SORCS2: variants seen among roughly 807,000 people sequenced by gnomAD.
The protein encoded by SORCS2 is VPS10 domain-containing receptor SorCS2.
A neutral mutation model predicts 141.6 loss-of-function variants in SORCS2; 100 were observed. The ratio of observed to expected loss-of-function variants is 0.71; its 90% CI spans 0.60 to 0.83. The LOEUF is 0.83. SORCS2 is among the 40% of genes least tolerant of loss of function. The probability of loss-of-function intolerance (pLI) is 0.00; values close to 1 mark genes in which losing one functional copy is unlikely to be tolerated. For missense variants in SORCS2, 1,646 were observed against 1,560.2 expected, an observed-to-expected ratio of 1.05 and a Z score of -0.93; for synonymous variants, 789 against 676.9, an observed-to-expected ratio of 1.17 and a Z score of -2.57.
chr4:7,471,521 G>A lies in SORCS2; in HGVS notation c.549-60009G>A, dbSNP rs537426545. Among the ~76,000 whole-genome samples the A allele has an allele frequency of 5.9e-5, 9 of 152,340 alleles. No individual in the cohort carries two copies. The South Asian group carries it at 6.2e-4, about 11-fold the overall frequency. On this transcript the variant is annotated intron_variant, in intron 2 of 26. Transcript: ENST00000507866. The stretch of plus-strand genomic sequence containing the variant: ...TGGGCCACGTCCCCTTCGTTCCAGG[G>A]AAGAGGGAGCAGAACGAAGATCAGC...
At chr4:7,595,872 A>G (rs188189963) in intron 3 of SORCS2, among the ~76,000 whole-genome samples, 34 of 152,334 alleles carry the variant, frequency 2.2e-4, no homozygotes, top group African/African-American at 7.7e-4. Context: ...GTGGTGGACA[A>G]GCCCGACGCG....
intron 1 of SORCS2, among the ~76,000 whole-genome samples, chr4:7,278,128 C>A (rs1478906334): frequency 6.6e-6 from 1 of 152,194 alleles, no homozygotes; most frequent in African/African-American, 2.4e-5. Flanking sequence ...CCCCGGTGCC[C>A]TCTTATTCAT....
chr4:7,597,676 G>C (rs1717371296), intron 3 of SORCS2, among the ~76,000 whole-genome samples: 1 of 149,560 alleles, frequency 6.7e-6, no homozygotes, highest in South Asian at 2.1e-4. Context: ...CATAGAGGGA[G>C]GGGCTACACA....
chr4:7,497,728 T>C (rs1465172751), intron 2 of SORCS2, among the ~76,000 whole-genome samples: 4 of 152,158 alleles, frequency 2.6e-5, no homozygotes. Context: ...ACCGCACAGG[T>C]TGGGAAACGG....
chr4:7,194,138 C>G (rs1265709677), intron 1 of SORCS2, among the ~76,000 whole-genome samples: 1 of 152,104 alleles, frequency 6.6e-6, no homozygotes, highest in Non-Finnish European at 1.5e-5. Context: ...CCATGAATCC[C>G]CAGAGGAGGG....
chr4:7,247,064 G>A (rs752653772), intron 1 of SORCS2, among the ~76,000 whole-genome samples: 2 of 152,234 alleles, frequency 1.3e-5, no homozygotes, highest in Non-Finnish European at 2.9e-5. Flanking sequence ...GAGAAGGCCA[G>A]TGAGATGTTT....
intron 1 of SORCS2, among the ~76,000 whole-genome samples, chr4:7,318,779 C>T (rs1194470615): frequency 6.6e-6 from 1 of 152,110 alleles, no homozygotes; most frequent in Non-Finnish European, 1.5e-5. Context: ...TTTAGGTGTA[C>T]AGTACTATGA....
chr4:7,425,210 T>C (rs12508214), intron 2 of SORCS2, among the ~76,000 whole-genome samples: 60,566 of 152,080 alleles, frequency 0.4, 12,223 homozygotes, highest in Middle Eastern at 0.5. Context: ...TTGCTGAATG[T>C]CCCAAATCCC....
chr4:7,456,650 G>A (rs1317498907), intron 2 of SORCS2, among the ~76,000 whole-genome samples: 1 of 152,184 alleles, frequency 6.6e-6, no homozygotes, highest in Non-Finnish European at 1.5e-5. Context: ...ACGCAGGAAG[G>A]GGCTGTCAAG....
chr4:7,577,838 T>G (rs9884554), intron 3 of SORCS2, among the ~76,000 whole-genome samples: 123,532 of 145,372 alleles, frequency 0.85, 53,709 homozygotes, highest in Non-Finnish European at 0.95. Flanking sequence ...CTAGTGCCAT[T>G]GTTTGGAGAA....
intron 1 of SORCS2, among the ~76,000 whole-genome samples, chr4:7,314,829 T>TTTTTTTTTG (rs1560185676): frequency 4.3e-5 from 5 of 116,580 alleles, no homozygotes; most frequent in African/African-American, 1.4e-4. Flanking sequence ...TTTTTTTTTT[T>TTTTTTTTTG]ATTGTTGTTG....
At chr4:7,514,673 A>G (rs979873292) in intron 2 of SORCS2, among the ~76,000 whole-genome samples, 2 of 152,000 alleles carry the variant, frequency 1.3e-5, no homozygotes, top group South Asian at 2.1e-4. Flanking sequence ...TGTACAATGG[A>G]CAGTGCTTAA....
At chr4:7,253,480 G>A (rs565998269) in intron 1 of SORCS2, among the ~76,000 whole-genome samples, 1 of 152,360 alleles carries the variant, frequency 6.6e-6, no homozygotes, top group Admixed American at 6.5e-5. Flanking sequence ...AAGAGGGATG[G>A]TGTTCCCTGC....
At chr4:7,729,080 C>T (rs771570775) in intron 22 of SORCS2, among the ~76,000 whole-genome samples, 3 of 152,168 alleles carry the variant, frequency 2.0e-5, no homozygotes, top group African/African-American at 4.8e-5. Context: ...GTGCATGGAA[C>T]GGGACTTCCA....
At chr4:7,428,135 C>T (rs923773293) in intron 2 of SORCS2, among the ~76,000 whole-genome samples, 2 of 152,182 alleles carry the variant, frequency 1.3e-5, no homozygotes, top group Non-Finnish European at 2.9e-5. Flanking sequence ...CCATGGAGGA[C>T]AACCTTGTTT....
In SORCS2 at chr4:7,437,719, T is replaced by A. The variant is rs566172703; in HGVS notation, c.548+41364T>A. Reference sequence around the variant, plus strand: ...AAGTGGGGACAAAACCAAACACTTTTTTTTTTATCCCATGGCGGGGATGAT... The same window carrying A: ...AAGTGGGGACAAAACCAAACACTTTATTTTTTATCCCATGGCGGGGATGAT... On this transcript the variant is annotated intron_variant, in intron 2 of 26. Coordinates refer to ENST00000507866, the MANE Select transcript of SORCS2 (RefSeq NM_020777.3). Among the ~76,000 whole-genome samples the A allele has an allele frequency of 1.1e-3, 168 of 152,286 alleles. 1 individual carries two copies. Among genetic ancestry groups the A allele is most frequent in the African/African-American group, 3.2e-3 (134 of 41,558 alleles).
At chr4:7,660,938 G>A (rs1245454967) in intron 5 of SORCS2, among the ~76,000 whole-genome samples, 1 of 152,190 alleles carries the variant, frequency 6.6e-6, no homozygotes, top group South Asian at 2.1e-4. Flanking sequence ...CAGGTCATGG[G>A]GAGCAGGAGA....
chr4:7,351,707 A>G (rs1038808503), intron 1 of SORCS2, among the ~76,000 whole-genome samples: 1 of 133,540 alleles, frequency 7.5e-6, no homozygotes, highest in Non-Finnish European at 1.6e-5. Flanking sequence ...CCATCCATCC[A>G]TCCTTCTACC....
At chr4:7,291,525 G>A (rs776518697) in intron 1 of SORCS2, among the ~76,000 whole-genome samples, 3 of 152,172 alleles carry the variant, frequency 2.0e-5, no homozygotes, top group Non-Finnish European at 2.9e-5. Context: ...ATCACATGGC[G>A]TTTTGGGCCC....
Sources: gnomAD v4.1 joint callset for allele counts (sites outside exome capture counted in the v4.1 genomes callset) on GRCh38, gnomAD v4.1.1 for gene constraint, MANE v1.5 for transcripts, NCBI Gene and HGNC (gene_info 2026-07-23, HGNC 2026-07-21) for gene names.